The following HMGN5 variants were observed in gnomAD, a reference collection of about 807,000 sequenced individuals.
The protein encoded by HMGN5 is high mobility group nucleosome-binding domain-containing protein 5.
In HMGN5, 4 loss-of-function variants were observed where a neutral mutation model predicts 9.5. The ratio of observed to expected loss-of-function variants is 0.42; its 90% CI spans 0.21 to 0.96. The LOEUF (loss-of-function observed/expected upper bound fraction) is 0.96, where lower values mean the gene tolerates loss of function less well. HMGN5 is among the 40% of genes least tolerant of loss of function. HMGN5 has a pLI of 0.30. For synonymous variants in HMGN5, 55 were observed against 57.1 expected (o/e 0.96, Z 0.16); for missense variants, 192 against 187.5 (o/e 1.02, Z -0.14).
intron 1 of HMGN5, among the ~76,000 whole-genome samples, chrX:81,148,496 G>A (rs776082047): frequency 2.8e-3 from 313 of 111,793 alleles, no homozygotes; most frequent in Non-Finnish European, 5.2e-3. Flanking sequence ...TGGATTAAAG[G>A]CTTAAATGTA....
At chrX:81,185,779 G>A (rs751511741) in intron 1 of HMGN5, among the ~76,000 whole-genome samples, 2 of 111,309 alleles carry the variant, frequency 1.8e-5, no homozygotes, top group African/African-American at 6.5e-5. Context: ...CTATGTAAAG[G>A]TATGTTGCTT....
At chrX:81,168,859 TG>T (rs1384743283) in intron 1 of HMGN5, among the ~76,000 whole-genome samples, 1 of 111,535 alleles carries the variant, frequency 9.0e-6, no homozygotes, top group Non-Finnish European at 1.9e-5. Flanking sequence ...GACTGGTGGA[TG>T]AGGCTGTCTT....
At chrX:81,134,159 C>A (rs1357156723) in intron 1 of HMGN5, among the ~76,000 whole-genome samples, 2 of 111,078 alleles carry the variant, frequency 1.8e-5, no homozygotes, top group African/African-American at 6.5e-5. Context: ...TTAAACATAG[C>A]TGACTACTGA....
chrX:81,122,550 G>A (rs1466420878), intron 1 of HMGN5, among the ~76,000 whole-genome samples: 1 of 111,909 alleles, frequency 8.9e-6, no homozygotes, highest in Non-Finnish European at 1.9e-5. Flanking sequence ...CGAGTGAGGT[G>A]AGTCACGCAA....
chrX:81,200,857 TA>T (rs913013713), intron 1 of HMGN5, among the ~76,000 whole-genome samples: 49 of 109,455 alleles, frequency 4.5e-4, no homozygotes, highest in African/African-American at 1.5e-3. Context: ...AAAGTATAAT[TA>T]AAAAAAAATA....
intron 1 of HMGN5, among the ~76,000 whole-genome samples, chrX:81,151,224 T>A (rs1426275632): frequency 8.9e-6 from 1 of 111,845 alleles, no homozygotes; most frequent in African/African-American, 3.3e-5. Flanking sequence ...CCATTGCTTG[T>A]TTTTCTCAGG....
At chrX:81,161,372 A>G (rs1006094833) in intron 1 of HMGN5, among the ~76,000 whole-genome samples, 3 of 111,356 alleles carry the variant, frequency 2.7e-5, no homozygotes, top group Non-Finnish European at 5.6e-5. Context: ...CTAGTCTTTG[A>G]GTATTCCCAG....
chrX:81,168,995 C>A (rs977073506), intron 1 of HMGN5, among the ~76,000 whole-genome samples: 1 of 110,974 alleles, frequency 9.0e-6, no homozygotes, highest in Non-Finnish European at 1.9e-5. Context: ...GTCTGCCTAC[C>A]CATACCCATA....
intron 1 of HMGN5, among the ~76,000 whole-genome samples, chrX:81,147,423 A>G (rs1569344946): frequency 8.9e-6 from 1 of 111,958 alleles, no homozygotes; most frequent in African/African-American, 3.2e-5. Flanking sequence ...TGATACAGAA[A>G]AGATATTTAG....
intron 1 of HMGN5, among the ~76,000 whole-genome samples, chrX:81,135,048 C>G (rs932981938): frequency 1.8e-5 from 2 of 111,199 alleles, no homozygotes; most frequent in African/African-American, 6.5e-5. Context: ...AGTAAGTCTT[C>G]ATGACTTTGA....
chrX:81,175,173 A>G (rs762733739), intron 1 of HMGN5, among the ~76,000 whole-genome samples: 5 of 112,416 alleles, frequency 4.4e-5, no homozygotes, highest in Non-Finnish European at 9.4e-5. Flanking sequence ...CTAAAAGTCA[A>G]TGTGGATTCA....
chrX:81,189,069 C>T (rs1054150555), intron 1 of HMGN5, among the ~76,000 whole-genome samples: 4 of 111,767 alleles, frequency 3.6e-5, no homozygotes, highest in Non-Finnish European at 7.5e-5. Context: ...TTAATGAAAT[C>T]TCTCAGCTTT....
At chrX:81,150,623 A>G (rs897701321) in intron 1 of HMGN5, among the ~76,000 whole-genome samples, 1 of 112,303 alleles carries the variant, frequency 8.9e-6, no homozygotes, top group Non-Finnish European at 1.9e-5. Context: ...AAAATTAAAA[A>G]TATAAAAGCA....
At chrX:81,192,384 G>T (rs2075496533) in intron 1 of HMGN5, among the ~76,000 whole-genome samples, 1 of 111,231 alleles carries the variant, frequency 9.0e-6, no homozygotes, top group Admixed American at 9.6e-5. Flanking sequence ...TTAAATGTTT[G>T]GTAAATTTTG....
At chrX:81,176,321 A>G (rs2075441562) in intron 1 of HMGN5, among the ~76,000 whole-genome samples, 1 of 112,180 alleles carries the variant, frequency 8.9e-6, no homozygotes, top group Non-Finnish European at 1.9e-5. Context: ...CCACAAAGAT[A>G]GGGAGAAACC....
chrX:81,153,795 A>G (rs1361462979), intron 1 of HMGN5, among the ~76,000 whole-genome samples: 1 of 103,278 alleles, frequency 9.7e-6, no homozygotes, highest in Non-Finnish European at 2.0e-5. Context: ...GCCACACATA[A>G]AATTAAATAC....
At chrX:81,180,048 T>G (rs962255752) in intron 1 of HMGN5, among the ~76,000 whole-genome samples, 3 of 111,326 alleles carry the variant, frequency 2.7e-5, no homozygotes, top group African/African-American at 9.8e-5. Context: ...ATACAAAAAT[T>G]AATTCAAGAT....
At chrX:81,200,628 G>A (rs780130927) in intron 1 of HMGN5, among the ~76,000 whole-genome samples, 15 of 111,561 alleles carry the variant, frequency 1.3e-4, no homozygotes, top group Non-Finnish European at 2.6e-4. Flanking sequence ...AACACCACAT[G>A]TTCTCACTCA....
intron 1 of HMGN5, among the ~76,000 whole-genome samples, chrX:81,126,306 C>A (rs1014541266): frequency 1.8e-5 from 2 of 110,651 alleles, no homozygotes; most frequent in Non-Finnish European, 3.8e-5. Context: ...ATCTCAATGA[C>A]CTTAAAACTC....
Sources: allele counts gnomAD v4.1 joint callset (sites outside exome capture counted in the v4.1 genomes callset), GRCh38; gene constraint gnomAD v4.1.1; transcripts MANE v1.5; gene names NCBI Gene and HGNC (gene_info 2026-07-23, HGNC 2026-07-21).